Variants in ZNF626 observed in about 807,000 individuals in gnomAD.
ZNF626 encodes zinc finger protein 626, also known as CTC-513N18.7.
Under a neutral mutation model 11.7 loss-of-function variants are expected in ZNF626, and 4 were observed. The observed-to-expected ratio is 0.34, with a 90% CI of 0.17 to 0.78. The LOEUF is 0.78. Among genes scored for constraint, ZNF626 ranks in the 30% least tolerant of loss-of-function variants. ZNF626 has a pLI of 0.57. For missense variants in ZNF626, 588 were observed against 587.1 expected (o/e 1.00, Z -0.01); for synonymous variants, 179 against 198.6 (o/e 0.90, Z 0.83).
At position 20,625,516 on chromosome 19, in the gene ZNF626, CCA is replaced by C. The variant is rs782592940; in HGVS notation, c.359_360del (p.Val120GlyfsTer2). ...CCTTCTTTGTGCACCTTACACTCAT[CCA>C]CACTTATACATCCTTTTTTTAACTG... Reference protein sequence around the residue: ...NLQLKKGCISVDECKVHKEGY... With the variant: ...NLQLKKGCISXDECKVHKEGY... On this transcript the variant is annotated frameshift_variant, in exon 4 of 4. Transcript: ENST00000601440. LOFTEE classifies it low-confidence loss of function (END_TRUNC). The C allele has an allele frequency of 1.3e-5, 21 of 1,613,856 alleles. No individual in the cohort carries two copies. In the African/African-American group the frequency reaches 2.5e-4, roughly 19 times the overall value.
intron 3 of ZNF626, among the ~76,000 whole-genome samples, chr19:20,636,619 C>A (rs1292978282): frequency 6.6e-6 from 1 of 150,820 alleles, no homozygotes; most frequent in Admixed American, 6.6e-5. Context: ...AACTTCTAAC[C>A]AGTAATACTC....
intron 1 of ZNF626, among the ~76,000 whole-genome samples, chr19:20,650,647 G>A (rs1369100175): frequency 6.6e-6 from 1 of 152,136 alleles, no homozygotes; most frequent in East Asian, 1.9e-4. Flanking sequence ...AATCTCAACA[G>A]AACTGGGTCA....
intron 3 of ZNF626, among the ~76,000 whole-genome samples, chr19:20,626,563 C>T (rs1555769758): frequency 3.5e-4 from 53 of 151,904 alleles, no homozygotes; most frequent in Non-Finnish European, 4.4e-5. Context: ...ACTAAAAATA[C>T]AAAAACTAGC....
At position 20,622,095 on chromosome 19, in the gene ZNF626, G is replaced by A. The variant is rs2144758311; in HGVS notation, c.*2195C>T. On this transcript the variant is annotated 3_prime_UTR_variant, in exon 4 of 4. Transcript: ENST00000601440. ...CCCACTACTCGGGAGGCTGAGGCAG[G>A]AGAATTTCTTGAACTTGGGAGGTGG... The A allele has an allele frequency of 6.6e-6, 1 of 152,326 alleles. No individual in the cohort carries two copies. Among genetic ancestry groups the A allele is most frequent in the South Asian group, 2.1e-4 (1 of 4,830 alleles). The allele number at this position is 152,326 out of a possible 1,614,324, so 9.4% of individuals were successfully genotyped here. A position where few individuals can be genotyped will look rare whatever the true frequency, so the allele number is the denominator to read the frequency against.
rs1969770377 is a variant in ZNF626 at position 20,622,626 on chromosome 19, A to G, written c.*1664T>C. The G allele has an allele frequency of 6.6e-6, 1 of 152,198 alleles. No homozygotes were observed. The highest frequency in any genetic ancestry group is 2.1e-4 in the South Asian group (1 of 4,830). The allele number at this position is 152,198 out of a possible 1,614,324, so 9.4% of individuals were successfully genotyped here. On this transcript the variant is annotated 3_prime_UTR_variant, in exon 4 of 4. Transcript: ENST00000601440. ...AAAAATTGTTTTCAAGGAAACAAAT[A>G]TACTTTCAATGTAAATACAAAGCTT...
chr19:20,648,407 G>A (rs1555772176), intron 1 of ZNF626, among the ~76,000 whole-genome samples: 4 of 143,942 alleles, frequency 2.8e-5, no homozygotes. Flanking sequence ...GATGGAGTCT[G>A]GCTCTGTTGC....
At chr19:20,627,636 T>C (rs1439224462) in intron 3 of ZNF626, among the ~76,000 whole-genome samples, 1 of 152,078 alleles carries the variant, frequency 6.6e-6, no homozygotes, top group Non-Finnish European at 1.5e-5. Flanking sequence ...AATCAAGAGA[T>C]ATACTTTCAA....
intron 1 of ZNF626, among the ~76,000 whole-genome samples, chr19:20,657,660 C>T (rs1217876129): frequency 3.9e-5 from 6 of 151,908 alleles, no homozygotes; most frequent in Admixed American, 6.6e-5. Flanking sequence ...ACAAAATTAG[C>T]TAGGTGTGGT....
chr19:20,652,754 G>T (rs909316776), intron 1 of ZNF626, among the ~76,000 whole-genome samples: 1 of 152,174 alleles, frequency 6.6e-6, no homozygotes, highest in African/African-American at 2.4e-5. Context: ...CAAATCTCAA[G>T]ACCTGGATTC....
chr19:20,646,461 T>C, intron 1 of ZNF626, 56 bp from the exon 2 acceptor site: 1 of 1,612,412 alleles, frequency 6.2e-7, no homozygotes, highest in Non-Finnish European at 8.5e-7. Context: ...GAATTTTTAA[T>C]TTGACTTAAG....
At chr19:20,659,800 G>A (rs986378320) in intron 1 of ZNF626, among the ~76,000 whole-genome samples, 1 of 151,768 alleles carries the variant, frequency 6.6e-6, no homozygotes, top group Non-Finnish European at 1.5e-5. Flanking sequence ...TTCATTACCA[G>A]TAAGACCCTC....
rs1969742397 is a variant in ZNF626 at position 20,620,266 on chromosome 19, G to T, written c.*4024C>A. On this transcript the variant is annotated 3_prime_UTR_variant, in exon 4 of 4. Transcript: ENST00000601440. ...ATATTAATAAATTCCATACAAAGCA[G>T]AAAGTATACATTTGCTTTCAGCATA... The T allele has an allele frequency of 6.6e-6, 1 of 152,118 alleles. No homozygotes were observed. Among genetic ancestry groups the T allele is most frequent in the Non-Finnish European group, 1.5e-5 (1 of 68,028 alleles). 9.4% of individuals were successfully genotyped at this position (152,118 alleles called of 1,614,324 possible).
In ZNF626 at chr19:20,620,122, A is replaced by C. The variant is rs1244479571; in HGVS notation, c.*4168T>G. On this transcript the variant is annotated 3_prime_UTR_variant, in exon 4 of 4. Transcript: ENST00000601440. ...AATAAGCGTTAAAAATAATTTTTTG[A>C]GTGTGTTTGAAGAGGGCTTTTATTG... The C allele has an allele frequency of 6.6e-6, 1 of 152,088 alleles. No homozygotes were observed. The highest frequency in any genetic ancestry group is 2.4e-5 in the African/African-American group (1 of 41,408). The allele number at this position is 152,088 out of a possible 1,614,324, so 9.4% of individuals were successfully genotyped here.
chr19:20,640,060 T>C (rs1395724923), intron 3 of ZNF626, among the ~76,000 whole-genome samples: 1 of 151,932 alleles, frequency 6.6e-6, no homozygotes, highest in Non-Finnish European at 1.5e-5. Context: ...AAAGTTGCCA[T>C]GAGTAAAAAA....
chr19:20,646,940 C>G lies in ZNF626; in HGVS notation c.4-535G>C, dbSNP rs1204407722. On this transcript the variant is annotated intron_variant, in intron 1 of 3. Transcript: ENST00000601440. ...TCAGCTCACCGCCACCTCCGCCTCC[C>G]GGGTTCAAGCAATTCTCCTGCCTCT... Among the ~76,000 whole-genome samples, 19 of 152,186 alleles carry G rather than the reference C, an allele frequency of 1.2e-4. No individual in the cohort carries two copies. The South Asian group carries it at 3.9e-3, about 32-fold the overall frequency.
At chr19:20,648,359 T>TTTCTTC (rs137973666) in intron 1 of ZNF626, among the ~76,000 whole-genome samples, 4 of 146,222 alleles carry the variant, frequency 2.7e-5, no homozygotes, top group East Asian at 2.0e-4. Flanking sequence ...AAATAAGCAT[T>TTTCTTC]TTCTTCTTCT....
At chr19:20,632,284 G>C (rs568382999) in intron 3 of ZNF626, among the ~76,000 whole-genome samples, 5 of 152,146 alleles carry the variant, frequency 3.3e-5, no homozygotes, top group Non-Finnish European at 7.4e-5. Context: ...TCCTCTTCTC[G>C]AGGAGTATCT....
intron 3 of ZNF626, among the ~76,000 whole-genome samples, chr19:20,642,602 A>T (rs1194511790): frequency 4.6e-5 from 7 of 152,160 alleles, no homozygotes; most frequent in Non-Finnish European, 8.8e-5. Flanking sequence ...TCTCAAAACA[A>T]CAACAACAGC....
chr19:20,654,416 C>A (rs1568462244), intron 1 of ZNF626, among the ~76,000 whole-genome samples: 1 of 150,918 alleles, frequency 6.6e-6, no homozygotes, highest in Non-Finnish European at 1.5e-5. Context: ...GCACTCCAGC[C>A]TGGGCAACAG....
Sources: allele counts gnomAD v4.1 joint callset (sites outside exome capture counted in the v4.1 genomes callset), GRCh38; gene constraint gnomAD v4.1.1; transcripts MANE v1.5; gene names NCBI Gene and HGNC (gene_info 2026-07-23, HGNC 2026-07-21).